Variants in CERS4 observed in about 807,000 individuals in gnomAD.
CERS4 encodes the protein LAG1 homolog, ceramide synthase 4.
In CERS4, 65 loss-of-function variants were observed where a neutral mutation model predicts 51.8. That is an observed-to-expected ratio of 1.26 (90% CI 1.03 to 1.54). The LOEUF (loss-of-function observed/expected upper bound fraction) is 1.54. Ranked by LOEUF, CERS4 falls within the 40% of genes most tolerant of loss-of-function variation. The probability of loss-of-function intolerance (pLI) is 0.00; values close to 1 mark genes in which losing one functional copy is unlikely to be tolerated. For synonymous variants in CERS4, 228 were observed against 208.4 expected (o/e 1.09, Z -0.81); for missense variants, 563 against 500.4 (o/e 1.13, Z -1.19).
intron 9 of CERS4, 135 bp from the exon 10 acceptor site, chr19:8,257,742 CTT>C (rs1410709676): frequency 1.3e-5 from 9 of 678,882 alleles, no homozygotes; most frequent in African/African-American, 1.2e-4. Context: ...TATTCACACT[CTT>C]TACCTTTCCT....
intron 3 of CERS4, 104 bp from the exon 4 acceptor site, chr19:8,254,395 C>T (rs1279895428): frequency 1.7e-5 from 16 of 935,490 alleles, no homozygotes; most frequent in Middle Eastern, 4.4e-4. Context: ...TGTAACTTTG[C>T]CCCTCCGAGA....
intron 2 of CERS4, among the ~76,000 whole-genome samples, chr19:8,238,249 C>T (rs1038105746): frequency 3.9e-5 from 6 of 152,086 alleles, no homozygotes; most frequent in African/African-American, 1.4e-4. Flanking sequence ...ACTCCAACCT[C>T]CAGGGAGCCA....
rs575322105 is a variant in CERS4, at chr19:8,235,905, A to T, written c.-1-15171A>T. On this transcript the variant is annotated intron_variant, in intron 2 of 11. Transcript: ENST00000251363. Reference sequence around the variant, plus strand: ...GAGCAAGACCCTATCCCAAAACAAAAACAAAACAGGCCGGGCGCGGTGGCT... The same window carrying T: ...GAGCAAGACCCTATCCCAAAACAAATACAAAACAGGCCGGGCGCGGTGGCT... Among the ~76,000 whole-genome samples the T allele has an allele frequency of 7.4e-5, 11 of 147,718 alleles. No individual in the cohort carries two copies. In the South Asian group the frequency reaches 2.4e-3, roughly 32 times the overall value.
chr19:8,213,771 G>T (rs1967175895), intron 2 of CERS4, among the ~76,000 whole-genome samples: 1 of 152,008 alleles, frequency 6.6e-6, no homozygotes, highest in African/African-American at 2.4e-5. Context: ...TTCGAGACCA[G>T]CCTGGCCAAT....
rs60875485 is a variant in CERS4 at position 8,225,719 on chromosome 19, C to T, written c.-2+14857C>T. On this transcript the variant is annotated intron_variant, in intron 2 of 11. Coordinates refer to ENST00000251363, the MANE Select transcript of CERS4 (RefSeq NM_024552.3). ...GATTATAGGCGTGAGCCACCGTACC[C>T]GGCCGTGTTTTCTGATAATTCTGAG... is the stretch of plus-strand genomic sequence containing the variant. Among the ~76,000 whole-genome samples, 1,116 of 152,024 alleles carry T rather than the reference C, an allele frequency of 7.3e-3. 15 individuals carry two copies. The highest frequency in any genetic ancestry group is 0.023 in the African/African-American group (951 of 41,480).
chr19:8,247,739 T>TTTC (rs1242568201), intron 2 of CERS4, among the ~76,000 whole-genome samples: 1 of 149,916 alleles, frequency 6.7e-6, no homozygotes, highest in East Asian at 2.0e-4. Context: ...CATCTTTTTT[T>TTTC]TTTTTTTTTT....
intron 2 of CERS4, among the ~76,000 whole-genome samples, chr19:8,228,225 C>T (rs1184387225): frequency 6.6e-6 from 1 of 152,098 alleles, no homozygotes; most frequent in Non-Finnish European, 1.5e-5. Context: ...AGCCAACGTG[C>T]CCTGCCAGAG....
chr19:8,209,480 C>G lies in CERS4; in HGVS notation c.-173C>G, dbSNP rs1199213844. On this transcript the variant is annotated 5_prime_UTR_variant, in exon 1 of 12. Transcript: ENST00000251363. The stretch of plus-strand genomic sequence containing the variant: ...GCCGCCGGCCCTCGGTGCGCCCGGC[C>G]GCCTGCACCCCCAGGTAAGCGAGCA... 1 of 151,676 alleles carries G rather than the reference C, an allele frequency of 6.6e-6. No homozygotes were observed. The allele number at this position is 151,676 out of a possible 1,614,324, so 9.4% of individuals were successfully genotyped here.
At position 8,254,655 on chromosome 19, in the gene CERS4, C is replaced by CTGGGGGTGGGGCG. The variant is rs1263925480; in HGVS notation, c.291+45_291+57dup. Reference sequence around the variant, plus strand: ...ATGCCCTCCGACCCGCACTACTGCCCTGGGGGTGGGGCGTGGGGATGGTGT... The same window carrying CTGGGGGTGGGGCG: ...ATGCCCTCCGACCCGCACTACTGCCCTGGGGGTGGGGCGTGGGGGTGGGGCGTGGGGATGGTGT... On this transcript the variant is annotated intron_variant, in intron 4 of 11. Coordinates refer to ENST00000251363, the MANE Select transcript of CERS4 (RefSeq NM_024552.3). 1.9e-6 allele frequency: 3 copies of CTGGGGGTGGGGCG among 1,544,432 alleles called. No individual in the cohort carries two copies. In the East Asian group the frequency reaches 7.1e-5, roughly 36 times the overall value.
At position 8,256,480 on chromosome 19, in the gene CERS4, T is replaced by G; in HGVS notation, c.520-138T>G. 1.8e-5 allele frequency: 18 copies of G among 983,790 alleles called. No individual in the cohort carries two copies. In the South Asian group the frequency reaches 2.9e-4, roughly 16 times the overall value. 60.9% of individuals were successfully genotyped at this position (983,790 alleles called of 1,614,324 possible). On this transcript the variant is annotated intron_variant, in intron 7 of 11. Coordinates refer to ENST00000251363, the MANE Select transcript of CERS4 (RefSeq NM_024552.3). ...GCTTCCACCAAACCACTGCCCTTGA[T>G]TACCTCCAGGGATGGGGAGCTCACT...
chr19:8,227,232 A>G (rs1476297567), intron 2 of CERS4, among the ~76,000 whole-genome samples: 1 of 152,132 alleles, frequency 6.6e-6, no homozygotes, highest in Non-Finnish European at 1.5e-5. Context: ...TGTATCAAAC[A>G]CACCTTCAGT....
At chr19:8,228,688 T>C (rs896739364) in intron 2 of CERS4, among the ~76,000 whole-genome samples, 2 of 145,896 alleles carry the variant, frequency 1.4e-5, no homozygotes, top group Admixed American at 7.0e-5. Context: ...AAAAAAAATT[T>C]TTTTTTTAAG....
In CERS4 at chr19:8,235,463, G is replaced by A. The variant is rs529929239; in HGVS notation, c.-1-15613G>A. Among the ~76,000 whole-genome samples, 176 of 151,526 alleles carry A rather than the reference G, an allele frequency of 1.2e-3. 1 individual carries two copies. Among genetic ancestry groups the A allele is most frequent in the African/African-American group, 4.1e-3 (169 of 41,334 alleles). ...TGTTTTAAAACTTCTAGTTCAGGCC[G>A]GGCATGGTGGCTAATGCCTATAATC... On this transcript the variant is annotated intron_variant, in intron 2 of 11. Transcript: ENST00000251363.
In CERS4 at chr19:8,251,257, T is replaced by C; in HGVS notation, c.173+8T>C. 2.5e-6 allele frequency: 4 copies of C among 1,586,118 alleles called. No homozygotes were observed. The highest frequency in any genetic ancestry group is 3.4e-6 in the Non-Finnish European group (4 of 1,166,966). ...GCGCCTTGCCTTTGAGAGGTGAGTG[T>C]CTGCCCTGCCGCAATCCATTGCCCC... is the stretch of plus-strand genomic sequence containing the variant. On this transcript the variant is annotated splice_region_variant and intron_variant, in intron 3 of 11. Coordinates refer to ENST00000251363, the MANE Select transcript of CERS4 (RefSeq NM_024552.3).
intron 2 of CERS4, among the ~76,000 whole-genome samples, chr19:8,245,122 A>AAAAACAAAAAACAACAAAAAAAAAAC (rs1555777239): frequency 7.7e-6 from 1 of 129,258 alleles, no homozygotes; most frequent in Non-Finnish European, 1.6e-5. Flanking sequence ...AAAAAAAAAA[A>AAAAACAAAAAACAACAAAAAAAAAAC]AAAAAAAAAA....
chr19:8,257,311 C>T (rs1969447422), intron 9 of CERS4: 3 of 535,350 alleles, frequency 5.6e-6, no homozygotes, highest in African/African-American at 1.9e-5. Flanking sequence ...GGCAGAGGCC[C>T]CCGCCTTCTC....
chr19:8,257,796 T>C, intron 9 of CERS4, 83 bp from the exon 10 acceptor site: 1 of 1,034,848 alleles, frequency 9.7e-7, no homozygotes. Context: ...CCACCCCAAC[T>C]CACCTGGTCC....
At chr19:8,258,503 G>C (rs983886852) in intron 10 of CERS4, among the ~76,000 whole-genome samples, 5 of 152,066 alleles carry the variant, frequency 3.3e-5, no homozygotes, top group Non-Finnish European at 7.4e-5. Context: ...GAGGTCAGGA[G>C]TTCCAGACCA....
At chr19:8,219,860 G>A (rs1377577013) in intron 2 of CERS4, among the ~76,000 whole-genome samples, 3 of 151,866 alleles carry the variant, frequency 2.0e-5, no homozygotes, top group Non-Finnish European at 4.4e-5. Context: ...ATGGGTGCCT[G>A]TAGTCTCAGC....
Sources: allele counts gnomAD v4.1 joint callset (sites outside exome capture counted in the v4.1 genomes callset), GRCh38; gene constraint gnomAD v4.1.1; transcripts MANE v1.5; gene names NCBI Gene and HGNC (gene_info 2026-07-23, HGNC 2026-07-21).